GHRH: variants seen among roughly 807,000 people sequenced by gnomAD.
GHRH encodes the protein somatoliberin.
Under a neutral mutation model 15.6 loss-of-function variants are expected in GHRH, and 7 were observed. That is an observed-to-expected ratio of 0.45 (90% CI 0.26 to 0.84). The LOEUF is 0.84. GHRH is among the 40% of genes least tolerant of loss of function. The pLI is 0.18. For synonymous variants in GHRH, 54 were observed against 50.4 expected (o/e 1.07, Z -0.30); for missense variants, 117 against 138.0 (o/e 0.85, Z 0.76).
Position 37,256,397 on chromosome 20 carries a change from T to C in GHRH, c.185A>G (p.Gln62Arg), listed in dbSNP as rs769420800. The C allele has an allele frequency of 1.9e-6, 3 of 1,605,020 alleles. No individual in the cohort carries two copies. The Admixed American group carries it at 5.0e-5, about 27-fold the overall frequency. The change falls in exon 3 of 5, where the codon CAG (glutamine) becomes CGG (arginine). Residue 62 changes from glutamine to arginine, a missense_variant. Gln to Arg is a conservative substitution (Grantham distance 43). Coordinates refer to ENST00000373614, the MANE Select transcript of GHRH (RefSeq NM_021081.6). ...KLLQDIMSRQ[Q>R]GESNQERGAR... ...AATCACTAGAACTCCTGCTTACCCC[T>C]GCTGCCTGCTCATGATGTCCTGGAG... is the stretch of plus-strand genomic sequence containing the variant.
rs778439630 is a variant in GHRH, at chr20:37,254,265, C to T, written c.253G>A (p.Glu85Lys). The T allele has an allele frequency of 6.2e-7, 1 of 1,614,204 alleles. No homozygotes were observed. Among genetic ancestry groups the T allele is most frequent in the East Asian group, 2.2e-5 (1 of 44,882 alleles). The stretch of plus-strand genomic sequence containing the variant: ...CTCTCCAATTCCATTTGCTTTTGTT[C>T]TGCCCACATGCTGTCTACCTGACGA... ...LGRQVDSMWA[E>K]QKQMELESIL... Residue 85 changes from glutamate (E) to lysine (K), a missense_variant, in exon 4 of 5, where the codon GAA becomes AAA. By Grantham distance (56) the Glu-to-Lys change is moderately conservative (BLOSUM62 1). Transcript: ENST00000373614.
intron 1 of GHRH, among the ~76,000 whole-genome samples, chr20:37,257,798 C>T (rs544258245): frequency 1.3e-5 from 2 of 152,336 alleles, no homozygotes; most frequent in African/African-American, 4.8e-5. Flanking sequence ...CCTCCTACTT[C>T]GGCTCCTGGA....
chr20:37,259,694 G>T (rs945288393), intron 1 of GHRH, among the ~76,000 whole-genome samples: 2 of 152,128 alleles, frequency 1.3e-5, no homozygotes, highest in South Asian at 2.1e-4. Flanking sequence ...ACCCATCCTT[G>T]CACTCTCCCT....
chr20:37,256,585 A>T (rs1007959939), intron 2 of GHRH, 87 bp from the exon 3 acceptor site: 2 of 862,068 alleles, frequency 2.3e-6, no homozygotes, highest in Admixed American at 2.1e-5. Flanking sequence ...TCTCTGCAAG[A>T]TCCTTCTGTT....
At chr20:37,259,922 C>T (rs1218798589) in intron 1 of GHRH, among the ~76,000 whole-genome samples, 2 of 152,166 alleles carry the variant, frequency 1.3e-5, no homozygotes, top group Non-Finnish European at 1.5e-5. Context: ...GGATCCTCAG[C>T]CTCCATCACC....
chr20:37,256,608 A>T, intron 2 of GHRH, 110 bp from the exon 3 acceptor site: 1 of 765,280 alleles, frequency 1.3e-6, no homozygotes, highest in Non-Finnish European at 2.2e-6. Context: ...CATCTGTCCC[A>T]CTCACCCCAA....
chr20:37,259,575 G>T (rs1432192730), intron 1 of GHRH, among the ~76,000 whole-genome samples: 2 of 152,020 alleles, frequency 1.3e-5, no homozygotes, highest in Non-Finnish European at 2.9e-5. Context: ...ACTCCTTCCA[G>T]AATAAAGCTC....
chr20:37,257,961 C>G (rs1194058418), intron 1 of GHRH, among the ~76,000 whole-genome samples: 1 of 152,198 alleles, frequency 6.6e-6, no homozygotes. Flanking sequence ...AAGTCTTGCT[C>G]CAGATGCTTA....
intron 1 of GHRH, among the ~76,000 whole-genome samples, chr20:37,259,145 T>A (rs1362154840): frequency 6.6e-6 from 1 of 152,178 alleles, no homozygotes; most frequent in Non-Finnish European, 1.5e-5. Context: ...GGACTGGGGC[T>A]AGAGAAAAGA....
rs1479713205 is a variant in GHRH, at chr20:37,261,467, G to A, written c.-20+276C>T. Among the ~76,000 whole-genome samples, 4 of 152,146 alleles carry A rather than the reference G, an allele frequency of 2.6e-5. No homozygotes were observed. In the South Asian group the frequency reaches 6.2e-4, roughly 24 times the overall value. ...CCCCGAAGCCTGCCCACGCATCCTC[G>A]AAGGAGCACTGAGACCTCACCACCT... On this transcript the variant is annotated intron_variant, in intron 1 of 4. Transcript: ENST00000373614.
At chr20:37,254,080 G>T in intron 4 of GHRH, 130 bp downstream of exon 4, 2 of 906,992 alleles carry the variant, frequency 2.2e-6, no homozygotes, top group Non-Finnish European at 3.5e-6. Context: ...TGTCAGGAGG[G>T]TCCTTGTTCT....
At chr20:37,259,831 C>G (rs929882725) in intron 1 of GHRH, among the ~76,000 whole-genome samples, 1 of 152,210 alleles carries the variant, frequency 6.6e-6, no homozygotes, top group Middle Eastern at 3.2e-3. Context: ...CCTCCTCATT[C>G]CCAGGCCGGC....
intron 4 of GHRH, among the ~76,000 whole-genome samples, 193 bp from the exon 5 acceptor site, chr20:37,251,424 T>C (rs935084110): frequency 2.0e-5 from 3 of 151,936 alleles, no homozygotes; most frequent in African/African-American, 7.3e-5. Context: ...GCCCCTGCTC[T>C]CTGCTCTGCC....
Position 37,256,479 on chromosome 20 carries a change from C to T in GHRH, c.103G>A (p.Ala35Thr). The part of the protein sequence containing the change: ...LTLRMRRYAD[A>T]IFTNSYRKVL... Reference sequence around the variant, plus strand: ...TTCCGGTAGCTGTTGGTGAAGATGGCATCTGCATACCGCCGCATCCTGTGC... The same window carrying T: ...TTCCGGTAGCTGTTGGTGAAGATGGTATCTGCATACCGCCGCATCCTGTGC... Residue 35 changes from alanine to threonine, a missense_variant, in exon 3 of 5, where the codon GCC becomes ACC. Ala to Thr is a moderately conservative substitution (Grantham distance 58). Coordinates refer to ENST00000373614, the MANE Select transcript of GHRH (RefSeq NM_021081.6). 1 of 1,612,770 alleles carries T rather than the reference C, an allele frequency of 6.2e-7. No individual in the cohort carries two copies. Among genetic ancestry groups the T allele is most frequent in the Non-Finnish European group, 8.5e-7 (1 of 1,179,308 alleles).
chr20:37,252,989 G>A (rs756872677), intron 4 of GHRH, among the ~76,000 whole-genome samples: 12 of 152,326 alleles, frequency 7.9e-5, no homozygotes, highest in Middle Eastern at 3.4e-3. Flanking sequence ...CCGAGATCAC[G>A]CCACTGCACT....
chr20:37,254,306 G>T lies in GHRH; in HGVS notation c.212C>A (p.Ala71Glu), dbSNP rs1178560057. 1 of 1,614,038 alleles carries T rather than the reference G, an allele frequency of 6.2e-7. No individual in the cohort carries two copies. ...TACCTGACGACCAAGCCGTGCCCTT[G>T]CTCCTCGCTCTTGGTTGCTCTCTCT... The part of the protein sequence containing the change: ...QQGESNQERG[A>E]RARLGRQVDS... Residue 71 changes from alanine to glutamate, a missense_variant, in exon 4 of 5, where the codon GCA becomes GAA. Coordinates refer to ENST00000373614, the MANE Select transcript of GHRH (RefSeq NM_021081.6).
rs905015858 is a variant in GHRH at position 37,251,122 on chromosome 20, T to C, written c.*91A>G. The C allele has an allele frequency of 1.2e-6, 1 of 847,174 alleles. No homozygotes were observed. The highest frequency in any genetic ancestry group is 1.8e-6 in the Non-Finnish European group (1 of 545,184). 52.5% of individuals were successfully genotyped at this position (847,174 alleles called of 1,614,324 possible). On this transcript the variant is annotated 3_prime_UTR_variant, in exon 5 of 5. Coordinates refer to ENST00000373614, the MANE Select transcript of GHRH (RefSeq NM_021081.6). The stretch of plus-strand genomic sequence containing the variant: ...ACCGGTATGGGGGAATTTTATTGTA[T>C]TTTCAAAGGAAAAAGTGGGTCAGAA...
intron 1 of GHRH, among the ~76,000 whole-genome samples, chr20:37,260,188 C>T (rs2068680344): frequency 6.6e-6 from 1 of 152,162 alleles, no homozygotes; most frequent in Non-Finnish European, 1.5e-5. Flanking sequence ...AGAGGCTCAA[C>T]ATTTGCCACA....
chr20:37,252,261 G>A (rs944724649), intron 4 of GHRH, among the ~76,000 whole-genome samples: 10 of 152,134 alleles, frequency 6.6e-5, no homozygotes, highest in African/African-American at 9.7e-5. Context: ...TGTTCTTCCC[G>A]CCTCCCAGAC....
Sources: gnomAD v4.1 joint callset for allele counts (sites outside exome capture counted in the v4.1 genomes callset) on GRCh38, gnomAD v4.1.1 for gene constraint, MANE v1.5 for transcripts, NCBI Gene and HGNC (gene_info 2026-07-23, HGNC 2026-07-21) for gene names.